The following LHCGR variants were observed in gnomAD, a reference collection of about 807,000 sequenced individuals.
LHCGR encodes luteinizing hormone/choriogonadotropin receptor, also known as lutropin-choriogonadotropic hormone receptor.
In LHCGR, 55 loss-of-function variants were observed where a neutral mutation model predicts 60.7. The ratio of observed to expected loss-of-function variants is 0.91; its 90% CI spans 0.73 to 1.13. The LOEUF (loss-of-function observed/expected upper bound fraction) is 1.13, where lower values mean the gene tolerates loss of function less well. Among genes scored for constraint, LHCGR ranks in the 50% most tolerant of loss-of-function variants. LHCGR has a pLI of 0.00. For missense variants in LHCGR, 862 were observed against 836.0 expected, an observed-to-expected ratio of 1.03 and a Z score of -0.38; for synonymous variants, 337 against 316.5, an observed-to-expected ratio of 1.06 and a Z score of -0.69.
chr2:48,721,372 G>A (rs937641010), intron 6 of LHCGR: 5 of 210,864 alleles, frequency 2.4e-5, no homozygotes, highest in Non-Finnish European at 4.9e-5. Context: ...GAGGGAAGTG[G>A]CAGGAGTGGA....
At chr2:48,747,996 G>C (rs1669788502) in intron 1 of LHCGR, among the ~76,000 whole-genome samples, 1 of 152,122 alleles carries the variant, frequency 6.6e-6, no homozygotes, top group Non-Finnish European at 1.5e-5. Flanking sequence ...GGATAACCAT[G>C]CTAGTCCAGC....
At chr2:48,698,474 A>G (rs1667232654) in intron 9 of LHCGR, 141 bp downstream of exon 9, 3 of 704,370 alleles carry the variant, frequency 4.3e-6, no homozygotes, top group East Asian at 2.7e-5. Flanking sequence ...CTTCTTGTCT[A>G]TTTGAAAGTG....
chr2:48,726,995 C>A (rs1386080523), intron 3 of LHCGR, among the ~76,000 whole-genome samples: 1 of 152,172 alleles, frequency 6.6e-6, no homozygotes, highest in African/African-American at 2.4e-5. Context: ...CCACTTGTGC[C>A]TGTTTCCATC....
At chr2:48,714,499 T>C (rs1252530241) in intron 6 of LHCGR, among the ~76,000 whole-genome samples, 5 of 150,478 alleles carry the variant, frequency 3.3e-5, no homozygotes, top group African/African-American at 9.8e-5. Context: ...TTTTTTTTTT[T>C]CTTGGATGAG....
At chr2:48,747,044 G>T (rs1259601380) in intron 1 of LHCGR, among the ~76,000 whole-genome samples, 1 of 151,760 alleles carries the variant, frequency 6.6e-6, no homozygotes, top group African/African-American at 2.4e-5. Context: ...AAAGTTGGTT[G>T]CAACTGATAT....
intron 1 of LHCGR, among the ~76,000 whole-genome samples, chr2:48,747,842 C>T (rs1467493270): frequency 6.6e-6 from 1 of 152,174 alleles, no homozygotes; most frequent in Non-Finnish European, 1.5e-5. Context: ...CAGAGCCCCA[C>T]CCAAGGTTTC....
rs1668713746 is a variant in LHCGR at position 48,726,124 on chromosome 2, C to G, written c.309-374G>C. Among the ~76,000 whole-genome samples, 7 of 152,224 alleles carry G rather than the reference C, an allele frequency of 4.6e-5. 1 individual carries two copies. The South Asian group carries it at 1.5e-3, about 32-fold the overall frequency. ...ACTGAGGGTGATGAGAGACTCCTCT[C>G]AGGAGAGATGAGCAAATTACCTACT... On this transcript the variant is annotated intron_variant, in intron 3 of 10. Transcript: ENST00000294954.
In LHCGR at chr2:48,698,613, A is replaced by G. The variant is rs781325744; in HGVS notation, c.866+2T>C. On this transcript the variant is annotated splice_donor_variant, in intron 9 of 10. Coordinates refer to ENST00000294954, the MANE Select transcript of LHCGR (RefSeq NM_000233.4). LOFTEE classifies it high-confidence loss of function. ...AGGCTTTACCTTTTGGTTTCTACTT[A>G]CTCTTTTGTTGGCAAGTTTCTAAAA... The G allele has an allele frequency of 6.2e-7, 1 of 1,613,216 alleles. No individual in the cohort carries two copies. The highest frequency in any genetic ancestry group is 1.7e-5 in the Admixed American group (1 of 59,998).
chr2:48,733,715 G>C (rs759045128), intron 1 of LHCGR, among the ~76,000 whole-genome samples: 16 of 152,200 alleles, frequency 1.1e-4, no homozygotes, highest in Middle Eastern at 3.4e-3. Context: ...AGGCAACACA[G>C]AGAATGTGGT....
At chr2:48,704,991 A>G (rs975377752) in intron 8 of LHCGR, among the ~76,000 whole-genome samples, 3 of 152,106 alleles carry the variant, frequency 2.0e-5, no homozygotes, top group Non-Finnish European at 4.4e-5. Context: ...TAGGGTGTCA[A>G]TTTTAGATCT....
intron 10 of LHCGR, among the ~76,000 whole-genome samples, chr2:48,691,845 CAAAAA>C (rs60937994): frequency 3.4e-5 from 3 of 88,378 alleles, no homozygotes; most frequent in Admixed American, 1.3e-4. Flanking sequence ...GATTCTGTCT[CAAAAA>C]AAAAAAAAAA....
chr2:48,742,771 C>G (rs900416458), intron 1 of LHCGR, among the ~76,000 whole-genome samples: 1 of 151,966 alleles, frequency 6.6e-6, no homozygotes, highest in Non-Finnish European at 1.5e-5. Context: ...CCTAACATCA[C>G]AATTAAAAGA....
intron 3 of LHCGR, 73 bp downstream of exon 3, chr2:48,729,080 C>T (rs1668869576): frequency 1.2e-5 from 14 of 1,169,244 alleles, no homozygotes; most frequent in Non-Finnish European, 1.5e-5. Flanking sequence ...TGCTTGAATA[C>T]AAATACCAAG....
chr2:48,691,457 A>C (rs1374255327), intron 10 of LHCGR, among the ~76,000 whole-genome samples: 1 of 152,250 alleles, frequency 6.6e-6, no homozygotes, highest in Non-Finnish European at 1.5e-5. Flanking sequence ...CTCTTCTCAC[A>C]GACATCAATA....
chr2:48,703,488 A>G (rs1038621165), intron 8 of LHCGR, among the ~76,000 whole-genome samples: 1 of 152,190 alleles, frequency 6.6e-6, no homozygotes, highest in African/African-American at 2.4e-5. Flanking sequence ...AGCTTTCTGC[A>G]TATGGCTAGC....
At chr2:48,747,641 A>C (rs1669770263) in intron 1 of LHCGR, among the ~76,000 whole-genome samples, 1 of 152,202 alleles carries the variant, frequency 6.6e-6, no homozygotes, top group African/African-American at 2.4e-5. Flanking sequence ...GACAGAGAGG[A>C]GTCGTTTTTG....
chr2:48,699,074 T>G (rs377290239), intron 8 of LHCGR, among the ~76,000 whole-genome samples: 48 of 152,152 alleles, frequency 3.2e-4, no homozygotes, highest in African/African-American at 1.1e-3. Context: ...TCCGCCCACC[T>G]CGGCCCCTCA....
At chr2:48,741,058 A>C (rs1206922917) in intron 1 of LHCGR, among the ~76,000 whole-genome samples, 40 of 152,240 alleles carry the variant, frequency 2.6e-4, no homozygotes, top group Admixed American at 2.6e-3. Context: ...AAGCCTCAGG[A>C]GCTGATGCGA....
chr2:48,734,434 T>C (rs1282357095), intron 1 of LHCGR, among the ~76,000 whole-genome samples: 1 of 152,204 alleles, frequency 6.6e-6, no homozygotes, highest in African/African-American at 2.4e-5. Context: ...TTGAATGGAC[T>C]AGTGATAATG....
Sources: allele counts gnomAD v4.1 joint callset (sites outside exome capture counted in the v4.1 genomes callset), GRCh38; gene constraint gnomAD v4.1.1; transcripts MANE v1.5; gene names NCBI Gene and HGNC (gene_info 2026-07-23, HGNC 2026-07-21).